Variants in TBC1D22A observed in about 807,000 individuals in gnomAD.
TBC1D22A encodes TBC1 domain family member 22A.
TBC1D22A carries 38 observed loss-of-function variants against 60.2 expected under a neutral mutation model. That is an observed-to-expected ratio of 0.63 (90% CI 0.49 to 0.83). The LOEUF is 0.83. TBC1D22A is among the 40% of genes least tolerant of loss of function. The pLI is 0.00. For synonymous variants in TBC1D22A, 302 were observed against 281.7 expected, an observed-to-expected ratio of 1.07 and a Z score of -0.72; for missense variants, 628 against 701.0, an observed-to-expected ratio of 0.90 and a Z score of 1.18.
chr22:46,800,704 T>TA (rs2084861014), intron 4 of TBC1D22A, among the ~76,000 whole-genome samples: 1 of 152,256 alleles, frequency 6.6e-6, no homozygotes, highest in Admixed American at 6.5e-5. Flanking sequence ...GCCTAGCACA[T>TA]ACTAAACACT....
intron 12 of TBC1D22A, among the ~76,000 whole-genome samples, chr22:47,157,725 TC>T (rs1040492387): frequency 7.2e-5 from 11 of 152,172 alleles, no homozygotes; most frequent in Non-Finnish European, 8.8e-5. Flanking sequence ...GTGGCTCAGC[TC>T]CCAGCCTCAC....
chr22:46,942,540 G>C (rs570199482), intron 8 of TBC1D22A, among the ~76,000 whole-genome samples: 1 of 152,154 alleles, frequency 6.6e-6, no homozygotes, highest in Non-Finnish European at 1.5e-5. Context: ...GATTCAAACC[G>C]CGTTAATATT....
chr22:47,155,524 C>T lies in TBC1D22A; in HGVS notation c.1426-17974C>T, dbSNP rs1313700893. ...GGGAGAGAGGGAGGGAGGTGGGAGCCGCCCTGGGGATGCCCGGCCACTGTG... is the reference window on the plus strand; with the variant it reads ...GGGAGAGAGGGAGGGAGGTGGGAGCTGCCCTGGGGATGCCCGGCCACTGTG... On this transcript the variant is annotated intron_variant, in intron 12 of 12. Coordinates refer to ENST00000337137, the MANE Select transcript of TBC1D22A (RefSeq NM_014346.5). 5.3e-5 allele frequency among the ~76,000 whole-genome samples: 8 copies of T among 152,322 alleles called. No homozygotes were observed. In the South Asian group the frequency reaches 8.3e-4, roughly 16 times the overall value.
chr22:46,974,883 C>G (rs773973170), intron 9 of TBC1D22A, among the ~76,000 whole-genome samples: 1 of 152,224 alleles, frequency 6.6e-6, no homozygotes, highest in African/African-American at 2.4e-5. Context: ...GAGAGCAACA[C>G]GAGCTGGTGG....
chr22:47,010,510 T>C (rs896124249), intron 10 of TBC1D22A, among the ~76,000 whole-genome samples: 1 of 152,248 alleles, frequency 6.6e-6, no homozygotes, highest in South Asian at 2.1e-4. Flanking sequence ...CTGTGTGTGC[T>C]GGCAAGGGCT....
chr22:46,829,605 C>T (rs1274356912), intron 4 of TBC1D22A, among the ~76,000 whole-genome samples: 1 of 152,202 alleles, frequency 6.6e-6, no homozygotes, highest in Non-Finnish European at 1.5e-5. Context: ...AATCTTACTG[C>T]ATAATTTATG....
chr22:47,010,667 G>A (rs6009098), intron 10 of TBC1D22A, among the ~76,000 whole-genome samples: 5,082 of 152,232 alleles, frequency 0.033, 246 homozygotes, highest in African/African-American at 0.11. Flanking sequence ...TGGTGAACCT[G>A]TCTGCAGCCT....
intron 7 of TBC1D22A, among the ~76,000 whole-genome samples, chr22:46,904,148 TACCTAC>T (rs1569199866): frequency 0.069 from 8,426 of 121,740 alleles, 334 homozygotes; most frequent in East Asian, 0.21. Context: ...TCTATCTACC[TACCTAC>T]CTACCTACCT....
At chr22:47,158,816 C>T (rs2067825400) in intron 12 of TBC1D22A, among the ~76,000 whole-genome samples, 1 of 152,108 alleles carries the variant, frequency 6.6e-6, no homozygotes, top group South Asian at 2.1e-4. Flanking sequence ...GGTCCCGCAG[C>T]CACCAGCCAG....
intron 8 of TBC1D22A, among the ~76,000 whole-genome samples, chr22:46,923,665 G>A (rs550772725): frequency 9.5e-4 from 145 of 152,376 alleles, no homozygotes; most frequent in Non-Finnish European, 1.7e-3. Context: ...CCAGGCAGCC[G>A]CCGTACCACT....
chr22:46,829,228 C>A (rs1057223699), intron 4 of TBC1D22A, among the ~76,000 whole-genome samples: 1 of 152,190 alleles, frequency 6.6e-6, no homozygotes, highest in African/African-American at 2.4e-5. Flanking sequence ...TTCATAGTTA[C>A]TTGTGGCCTG....
intron 8 of TBC1D22A, among the ~76,000 whole-genome samples, chr22:46,953,673 C>T (rs2073036406): frequency 6.6e-6 from 1 of 152,178 alleles, no homozygotes; most frequent in Admixed American, 6.5e-5. Flanking sequence ...TCCTTTAACA[C>T]TGTCATTCTA....
intron 12 of TBC1D22A, among the ~76,000 whole-genome samples, chr22:47,144,071 G>A (rs1339839523): frequency 1.3e-5 from 2 of 152,188 alleles, no homozygotes; most frequent in African/African-American, 4.8e-5. Flanking sequence ...TCCCTAGACG[G>A]TGTCAGGGGA....
At chr22:46,875,547 G>A (rs2067517966) in intron 4 of TBC1D22A, among the ~76,000 whole-genome samples, 1 of 152,084 alleles carries the variant, frequency 6.6e-6, no homozygotes, top group South Asian at 2.1e-4. Context: ...CGCCTCCCAG[G>A]TTCAAGTGAT....
At chr22:46,809,592 G>T (rs564593899) in intron 4 of TBC1D22A, among the ~76,000 whole-genome samples, 4 of 152,154 alleles carry the variant, frequency 2.6e-5, no homozygotes, top group Non-Finnish European at 5.9e-5. Context: ...CATCTCGGGG[G>T]TCAGGGCAGT....
chr22:46,768,417 A>T (rs530512831), intron 1 of TBC1D22A, among the ~76,000 whole-genome samples: 2 of 146,780 alleles, frequency 1.4e-5, no homozygotes, highest in Non-Finnish European at 3.0e-5. Flanking sequence ...CACAGGAGGC[A>T]GAGGTTGCAG....
chr22:47,118,802 CACACACACACAT>C (rs1488533448), intron 12 of TBC1D22A, among the ~76,000 whole-genome samples: 3 of 124,140 alleles, frequency 2.4e-5, no homozygotes, highest in African/African-American at 1.0e-4. Context: ...CACACACACA[CACACACACACAT>C]ACATTTAAAA....
chr22:46,913,051 G>C (rs1199488925), intron 8 of TBC1D22A, among the ~76,000 whole-genome samples: 3 of 152,184 alleles, frequency 2.0e-5, no homozygotes, highest in Non-Finnish European at 2.9e-5. Flanking sequence ...CAGTGTTTTA[G>C]GTTGGGCTGT....
intron 9 of TBC1D22A, among the ~76,000 whole-genome samples, chr22:46,982,349 G>C (rs2074546900): frequency 6.6e-6 from 1 of 150,990 alleles, no homozygotes; most frequent in Admixed American, 6.6e-5. Flanking sequence ...TCAGCTTCCC[G>C]AGTAGCTGGG....
Sources: gnomAD v4.1 joint callset for allele counts (sites outside exome capture counted in the v4.1 genomes callset) on GRCh38, gnomAD v4.1.1 for gene constraint, MANE v1.5 for transcripts, NCBI Gene and HGNC (gene_info 2026-07-23, HGNC 2026-07-21) for gene names.